Variants in OR51I1 observed in about 807,000 individuals in gnomAD.
OR51I1 encodes olfactory receptor 51I1.
In OR51I1, 5 loss-of-function variants were observed where a neutral mutation model predicts 6.9. The observed-to-expected ratio is 0.73, with a 90% CI of 0.38 to 1.52. The LOEUF (loss-of-function observed/expected upper bound fraction) is 1.52, where lower values mean the gene tolerates loss of function less well. Ranked by LOEUF, OR51I1 falls within the 40% of genes most tolerant of loss-of-function variation. The pLI, the probability that OR51I1 is intolerant of heterozygous loss-of-function variation, is 0.03. For synonymous variants in OR51I1, 183 were observed against 140.3 expected, an observed-to-expected ratio of 1.30 and a Z score of -2.15; for missense variants, 465 against 388.5, an observed-to-expected ratio of 1.20 and a Z score of -1.66.
chr11:5,440,890 A>C lies in OR51I1; in HGVS notation c.625T>G (p.Tyr209Asp). 6.2e-7 allele frequency: 1 copy of C among 1,613,784 alleles called. No homozygotes were observed. The highest frequency in any genetic ancestry group is 8.5e-7 in the Non-Finnish European group (1 of 1,179,896). Residue 209 changes from tyrosine to aspartate, a missense_variant, in exon 1 of 1, where the codon TAT becomes GAT. Physicochemically the swap from Tyr to Asp is radical, Grantham distance 160 (BLOSUM62 -3). Coordinates refer to ENST00000380211, the MANE Select transcript of OR51I1 (RefSeq NM_001005288.3). The part of the protein sequence containing the change: ...IYGLLVIIFT[Y>D]GMDSTFILLS... ...AGGATGAAAGTTGAGTCCATACCAT[A>C]GGTAAAAATGATCACCAAGAGCCCA...
At position 5,441,261 on chromosome 11, in the gene OR51I1, G is replaced by T; in HGVS notation, c.254C>A (p.Ser85Tyr). 6.2e-7 allele frequency: 1 copy of T among 1,613,984 alleles called. No homozygotes were observed. ...ATGGTTGTAGTTGAAGCAGAAAGTA[G>T]AAATCACAGTGGGAAGTGTAGAAAA... Reference protein sequence around the residue: ...VSFSTLPTVISTFCFNYNHVA... With the variant: ...VSFSTLPTVIYTFCFNYNHVA... Residue 85 changes from serine to tyrosine, a missense_variant, in exon 1 of 1, where the codon TCT becomes TAT. Physicochemically the swap from Ser to Tyr is moderately radical, Grantham distance 144 (BLOSUM62 -2). Coordinates refer to ENST00000380211, the MANE Select transcript of OR51I1 (RefSeq NM_001005288.3).
At position 5,440,610 on chromosome 11, in the gene OR51I1, C is replaced by T. The variant is rs201225622; in HGVS notation, c.905G>A (p.Arg302His). Reference protein sequence around the residue: ...IIYSVKTKEIRKGILKFFHKS... With the variant: ...IIYSVKTKEIHKGILKFFHKS... Reference sequence around the variant, plus strand: ...ATGGAAGAACTTGAGAATCCCTTTGCGGATCTCCTTGGTTTTCACACTGTA... The same window carrying T: ...ATGGAAGAACTTGAGAATCCCTTTGTGGATCTCCTTGGTTTTCACACTGTA... Residue 302 changes from arginine to histidine, a missense_variant, in exon 1 of 1, where the codon CGC becomes CAC. Arg to His is a conservative substitution (Grantham distance 29). Coordinates refer to ENST00000380211, the MANE Select transcript of OR51I1 (RefSeq NM_001005288.3). 108 of 1,613,616 alleles carry T rather than the reference C, an allele frequency of 6.7e-5. 2 individuals are homozygous for T. The highest frequency in any genetic ancestry group is 7.6e-5 in the Non-Finnish European group (90 of 1,179,694).
chr11:5,440,718 A>C lies in OR51I1; in HGVS notation c.797T>G (p.Phe266Cys), dbSNP rs772695131. 3.1e-6 allele frequency: 5 copies of C among 1,613,886 alleles called. No individual in the cohort carries two copies. ...AACAACAGGTGGAGCACTTTTCCAGAAGCGGTGAATCATGGAGACAGCAAT... is the reference window on the plus strand; with the variant it reads ...AACAACAGGTGGAGCACTTTTCCAGCAGCGGTGAATCATGGAGACAGCAAT... ...PIIAVSMIHR[F>C]WKSAPPVVHV... The change falls in exon 1 of 1, where the codon TTC becomes TGC. Residue 266 changes from phenylalanine (F) to cysteine (C), a missense_variant. Physicochemically the swap from Phe to Cys is radical, Grantham distance 205. Coordinates refer to ENST00000380211, the MANE Select transcript of OR51I1 (RefSeq NM_001005288.3).
Position 5,441,433 on chromosome 11 carries a change from A to G in OR51I1, c.82T>C (p.Trp28Arg), listed in dbSNP as rs141106591. The change falls in exon 1 of 1, where the codon TGG (tryptophan) becomes CGG (arginine). Residue 28 changes from tryptophan to arginine, a missense_variant. Physicochemically the swap from Trp to Arg is moderately radical, Grantham distance 101. Coordinates refer to ENST00000380211, the MANE Select transcript of OR51I1 (RefSeq NM_001005288.3). ...AGGATGCAGAAAATCAGGGCAACCC[A>G]GGTGAGGCCTGTTTGTATCCCAGGA... ...GIPGIQTGLT[W>R]VALIFCILYM... The G allele has an allele frequency of 2.4e-5, 38 of 1,613,958 alleles. 1 individual carries two copies. In the South Asian group the frequency reaches 4.2e-4, roughly 18 times the overall value.
rs776002909 is a variant in OR51I1, at chr11:5,441,405, T to A, written c.110A>T (p.Tyr37Phe). 3 of 1,613,888 alleles carry A rather than the reference T, an allele frequency of 1.9e-6. No homozygotes were observed. The East Asian group carries it at 6.7e-5, about 36-fold the overall frequency. The change falls in exon 1 of 1, where the codon TAC becomes TTC. Residue 37 changes from tyrosine (Y) to phenylalanine (F), a missense_variant. Transcript: ENST00000380211. ...GAGGTTACCTACAATGGAGATCATG[T>A]AGAGGATGCAGAAAATCAGGGCAAC... ...TWVALIFCIL[Y>F]MISIVGNLSI...
Position 5,441,238 on chromosome 11 carries a change from G to C in OR51I1, c.277C>G (p.His93Asp). 1 of 1,613,950 alleles carries C rather than the reference G, an allele frequency of 6.2e-7. No individual in the cohort carries two copies. The highest frequency in any genetic ancestry group is 8.5e-7 in the Non-Finnish European group (1 of 1,179,924). The change falls in exon 1 of 1, where the codon CAT (histidine) becomes GAT (aspartate). Residue 93 changes from histidine (H) to aspartate (D), a missense_variant. His to Asp is a moderately conservative substitution (Grantham distance 81, BLOSUM62 -1). Coordinates refer to ENST00000380211, the MANE Select transcript of OR51I1 (RefSeq NM_001005288.3). ...ACCAGGCAAGCATTAAACGCAACAT[G>C]GTTGTAGTTGAAGCAGAAAGTAGAA... ...VISTFCFNYN[H>D]VAFNACLVQM...
At position 5,441,071 on chromosome 11, in the gene OR51I1, C is replaced by G. The variant is rs760799492; in HGVS notation, c.444G>C (p.Leu148=). The G allele has an allele frequency of 7.4e-6, 12 of 1,613,830 alleles. No homozygotes were observed. The highest frequency in any genetic ancestry group is 5.9e-6 in the Non-Finnish European group (7 of 1,179,942). The part of the protein sequence containing the change: ...LTHNRILAMG[L]GILTKSFTTL... ...TGGTGAAACTCTTGGTAAGGATGCC[C>G]AGACCCATAGCCAATATACGGTTGT... is the stretch of plus-strand genomic sequence containing the variant. The change falls in exon 1 of 1, where the codon CTG becomes CTC. Residue 148 remains leucine (L), a synonymous_variant. Transcript: ENST00000380211.
rs925772240 is a variant in OR51I1 at position 5,441,046 on chromosome 11, T to A, written c.469A>T (p.Thr157Ser). ...ACCACAAAAGGGAAAGGGAAGAGAGTGGTGAAACTCTTGGTAAGGATGCCC... is the reference window on the plus strand; with the variant it reads ...ACCACAAAAGGGAAAGGGAAGAGAGAGGTGAAACTCTTGGTAAGGATGCCC... ...GLGILTKSFT[T>S]LFPFPFVVKR... Residue 157 changes from threonine to serine, a missense_variant, in exon 1 of 1, where the codon ACT (threonine) becomes TCT (serine). Thr to Ser is a moderately conservative substitution (Grantham distance 58, BLOSUM62 1). Coordinates refer to ENST00000380211, the MANE Select transcript of OR51I1 (RefSeq NM_001005288.3). The A allele has an allele frequency of 3.7e-6, 6 of 1,613,132 alleles. No homozygotes were observed. The highest frequency in any genetic ancestry group is 5.1e-6 in the Non-Finnish European group (6 of 1,179,802).
rs11037445 is a variant in OR51I1, at chr11:5,441,025, C to G, written c.490G>C (p.Val164Leu). The change falls in exon 1 of 1, where the codon GTG becomes CTG. Residue 164 changes from valine to leucine, a missense_variant. Physicochemically the swap from Val to Leu is conservative, Grantham distance 32. Coordinates refer to ENST00000380211, the MANE Select transcript of OR51I1 (RefSeq NM_001005288.3). ...SFTTLFPFPF[V>L]VKRLPFCKGN... ...TTGCAGAAGGGCAGTCGTTTCACCA[C>G]AAAAGGGAAAGGGAAGAGAGTGGTG... 339,065 of 1,613,654 alleles carry G rather than the reference C, an allele frequency of 0.21. 36,492 individuals carry two copies. The highest frequency in any genetic ancestry group is 0.34 in the East Asian group (15,277 of 44,858).
In OR51I1 at chr11:5,441,023, C is replaced by T; in HGVS notation, c.492G>A (p.Val164=). 1 of 1,613,956 alleles carries T rather than the reference C, an allele frequency of 6.2e-7. No individual in the cohort carries two copies. The highest frequency in any genetic ancestry group is 8.5e-7 in the Non-Finnish European group (1 of 1,179,954). ...SFTTLFPFPF[V]VKRLPFCKGN... ...CTTTGCAGAAGGGCAGTCGTTTCAC[C>T]ACAAAAGGGAAAGGGAAGAGAGTGG... Residue 164 remains valine, a synonymous_variant, in exon 1 of 1, where the codon GTG becomes GTA. Coordinates refer to ENST00000380211, the MANE Select transcript of OR51I1 (RefSeq NM_001005288.3).
Position 5,441,114 on chromosome 11 carries a change from T to A in OR51I1, c.401A>T (p.Tyr134Phe), listed in dbSNP as rs777497619. The change falls in exon 1 of 1, where the codon TAT becomes TTT. Residue 134 changes from tyrosine to phenylalanine, a missense_variant. Transcript: ENST00000380211. Reference sequence around the variant, plus strand: ...ACGGTTGTGAGTGAGCACAGTGACATAGCGTAATGGATAACAAATAGCCAC... The same window carrying A: ...ACGGTTGTGAGTGAGCACAGTGACAAAGCGTAATGGATAACAAATAGCCAC... Reference protein sequence around the residue: ...RFVAICYPLRYVTVLTHNRIL... With the variant: ...RFVAICYPLRFVTVLTHNRIL... 3.7e-6 allele frequency: 6 copies of A among 1,613,796 alleles called. 1 individual carries two copies. The highest frequency in any genetic ancestry group is 8.5e-7 in the Non-Finnish European group (1 of 1,179,924).
rs1434694521 is a variant in OR51I1, at chr11:5,440,884, T to C, written c.631A>G (p.Met211Val). 1 of 1,613,646 alleles carries C rather than the reference T, an allele frequency of 6.2e-7. No homozygotes were observed. Among genetic ancestry groups the C allele is most frequent in the Non-Finnish European group, 8.5e-7 (1 of 1,179,890 alleles). ...GLLVIIFTYG[M>V]DSTFILLSYA... Reference sequence around the variant, plus strand: ...GAAAGCAGGATGAAAGTTGAGTCCATACCATAGGTAAAAATGATCACCAAG... The same window carrying C: ...GAAAGCAGGATGAAAGTTGAGTCCACACCATAGGTAAAAATGATCACCAAG... The change falls in exon 1 of 1, where the codon ATG becomes GTG. Residue 211 changes from methionine (M) to valine (V), a missense_variant. Met to Val is a conservative substitution (Grantham distance 21, BLOSUM62 1). Coordinates refer to ENST00000380211, the MANE Select transcript of OR51I1 (RefSeq NM_001005288.3).
rs1850672215 is a variant in OR51I1, at chr11:5,440,829, A to G, written c.686T>C (p.Val229Ala). The change falls in exon 1 of 1, where the codon GTC becomes GCC. Residue 229 changes from valine to alanine, a missense_variant. Transcript: ENST00000380211. Reference protein sequence around the residue: ...SYALILRAMLVIISQEQRLKA... With the variant: ...SYALILRAMLAIISQEQRLKA... Reference sequence around the variant, plus strand: ...GAGCCGCTGTTCCTGGGATATGATGACCAGCATGGCTCTCAGGATCAATGC... The same window carrying G: ...GAGCCGCTGTTCCTGGGATATGATGGCCAGCATGGCTCTCAGGATCAATGC... The G allele has an allele frequency of 1.2e-6, 2 of 1,613,734 alleles. No individual in the cohort carries two copies. The highest frequency in any genetic ancestry group is 2.2e-5 in the South Asian group (2 of 91,078).
In OR51I1 at chr11:5,440,825, G is replaced by T. The variant is rs770245603; in HGVS notation, c.690C>A (p.Ile230=). ...CCTTGAGCCGCTGTTCCTGGGATAT[G>T]ATGACCAGCATGGCTCTCAGGATCA... is the stretch of plus-strand genomic sequence containing the variant. The part of the protein sequence containing the change: ...YALILRAMLV[I]ISQEQRLKAL... The change falls in exon 1 of 1, where the codon ATC becomes ATA. Residue 230 remains isoleucine (I), a synonymous_variant. Transcript: ENST00000380211. 5 of 1,613,858 alleles carry T rather than the reference G, an allele frequency of 3.1e-6. No homozygotes were observed. Among genetic ancestry groups the T allele is most frequent in the Middle Eastern group, 1.7e-4 (1 of 6,056 alleles).
At position 5,440,947 on chromosome 11, in the gene OR51I1, C is replaced by T. The variant is rs767788565; in HGVS notation, c.568G>A (p.Ala190Thr). 3.2e-5 allele frequency: 52 copies of T among 1,613,930 alleles called. 1 individual carries two copies. The highest frequency in any genetic ancestry group is 5.0e-5 in the Admixed American group (3 of 59,924). The change falls in exon 1 of 1, where the codon GCA becomes ACA. Residue 190 changes from alanine to threonine, a missense_variant. Coordinates refer to ENST00000380211, the MANE Select transcript of OR51I1 (RefSeq NM_001005288.3). ...TTGTTAACATGGATGTCTCCACATG[C>T]TACTTTCATGAGATCTGGATGGAGA... is the stretch of plus-strand genomic sequence containing the variant. ...YCLHPDLMKV[A>T]CGDIHVNNIY... is the part of the protein sequence containing the mutation.
In OR51I1 at chr11:5,440,720, G is replaced by A. The variant is rs1210254994; in HGVS notation, c.795C>T (p.Arg265=). ...CAACAGGTGGAGCACTTTTCCAGAA[G>A]CGGTGAATCATGGAGACAGCAATTA... ...VPIIAVSMIH[R]FWKSAPPVVH... is the part of the protein sequence containing the mutation. The change falls in exon 1 of 1, where the codon CGC becomes CGT. Residue 265 remains arginine (R), a synonymous_variant. Transcript: ENST00000380211. 1.9e-6 allele frequency: 3 copies of A among 1,613,984 alleles called. No individual in the cohort carries two copies.
In OR51I1 at chr11:5,440,806, G is replaced by C; in HGVS notation, c.709C>G (p.Leu237Val). Residue 237 changes from leucine (L) to valine (V), a missense_variant, in exon 1 of 1, where the codon CTC (leucine) becomes GTC (valine). By Grantham distance (32) the Leu-to-Val change is conservative. Coordinates refer to ENST00000380211, the MANE Select transcript of OR51I1 (RefSeq NM_001005288.3). ...GACATGCAGGTGTTGAGTGCCTTGAGCCGCTGTTCCTGGGATATGATGACC... is the reference window on the plus strand; with the variant it reads ...GACATGCAGGTGTTGAGTGCCTTGACCCGCTGTTCCTGGGATATGATGACC... ...MLVIISQEQR[L>V]KALNTCMSHI... is the part of the protein sequence containing the mutation. 2 of 1,613,894 alleles carry C rather than the reference G, an allele frequency of 1.2e-6. No individual in the cohort carries two copies. The highest frequency in any genetic ancestry group is 1.7e-4 in the Middle Eastern group (1 of 6,056).
In OR51I1 at chr11:5,441,288, G is replaced by T; in HGVS notation, c.227C>A (p.Ser76Tyr). 1.2e-6 allele frequency: 2 copies of T among 1,613,846 alleles called. No homozygotes were observed. Among genetic ancestry groups the T allele is most frequent in the Non-Finnish European group, 1.7e-6 (2 of 1,179,810 alleles). The change falls in exon 1 of 1, where the codon TCC (serine) becomes TAC (tyrosine). Residue 76 changes from serine (S) to tyrosine (Y), a missense_variant. Coordinates refer to ENST00000380211, the MANE Select transcript of OR51I1 (RefSeq NM_001005288.3). ...SMLALNDLGV[S>Y]FSTLPTVIST... Reference sequence around the variant, plus strand: ...AATCACAGTGGGAAGTGTAGAAAAGGACACTCCCAGATCATTGAGAGCGAG... The same window carrying T: ...AATCACAGTGGGAAGTGTAGAAAAGTACACTCCCAGATCATTGAGAGCGAG...
chr11:5,440,769 G>C lies in OR51I1; in HGVS notation c.746C>G (p.Ala249Gly). 2 of 1,613,954 alleles carry C rather than the reference G, an allele frequency of 1.2e-6. No individual in the cohort carries two copies. Among genetic ancestry groups the C allele is most frequent in the Middle Eastern group, 1.7e-4 (1 of 6,058 alleles). Residue 249 changes from alanine (A) to glycine (G), a missense_variant, in exon 1 of 1, where the codon GCA (alanine) becomes GGA (glycine). Ala to Gly is a moderately conservative substitution (Grantham distance 60). Coordinates refer to ENST00000380211, the MANE Select transcript of OR51I1 (RefSeq NM_001005288.3). ...ALNTCMSHIC[A>G]VLAFYVPIIA... ...TATGGGCACATAAAAGGCCAGCACT[G>C]CACAGATGTGTGACATGCAGGTGTT...
Sources: allele counts gnomAD v4.1 joint callset, GRCh38; gene constraint gnomAD v4.1.1; transcripts MANE v1.5; gene names NCBI Gene and HGNC (gene_info 2026-07-23, HGNC 2026-07-21).